The following PDK3 variants were observed in gnomAD, a reference collection of about 807,000 sequenced individuals.
PDK3 encodes pyruvate dehydrogenase kinase 3.
A neutral mutation model predicts 32.0 loss-of-function variants in PDK3; 12 were observed. That is an observed-to-expected ratio of 0.37 (90% CI 0.24 to 0.61). The LOEUF (loss-of-function observed/expected upper bound fraction) is 0.61, where lower values mean the gene tolerates loss of function less well. Ranked by LOEUF, PDK3 falls within the 20% of genes least tolerant of loss-of-function variation. PDK3 has a pLI of 0.65. For missense variants in PDK3, 188 were observed against 316.9 expected (o/e 0.59, Z 3.09); for synonymous variants, 122 against 116.3 (o/e 1.05, Z -0.31).
intron 6 of PDK3, among the ~76,000 whole-genome samples, chrX:24,523,553 G>C (rs1160779447): frequency 8.9e-6 from 1 of 112,454 alleles, no homozygotes; most frequent in Non-Finnish European, 1.9e-5. Flanking sequence ...AGGGAAGGCA[G>C]AGGGTAGGGT....
intron 1 of PDK3, among the ~76,000 whole-genome samples, chrX:24,482,255 G>C (rs150755071): frequency 0.021 from 2,337 of 111,679 alleles, 65 homozygotes; most frequent in African/African-American, 0.072. Context: ...CTGTCGTCCA[G>C]GCTGGAGTGC....
downstream of PDK3, among the ~76,000 whole-genome samples, chrX:24,534,644 A>C (rs1323634916): frequency 2.7e-5 from 3 of 112,631 alleles, no homozygotes; most frequent in Non-Finnish European, 5.6e-5. Flanking sequence ...TACATGTAGC[A>C]ATGGTTAAGA....
At chrX:24,527,292 C>T (rs937297889) in intron 7 of PDK3, among the ~76,000 whole-genome samples, 4 of 39,820 alleles carry the variant, frequency 1.0e-4, no homozygotes, top group African/African-American at 2.3e-4. Flanking sequence ...TACCGTAAAG[C>T]GAAAAAAAAA....
chrX:24,483,481 A>G (rs999110615), intron 1 of PDK3, among the ~76,000 whole-genome samples: 1 of 111,756 alleles, frequency 8.9e-6, no homozygotes, highest in African/African-American at 3.3e-5. Flanking sequence ...CTGGCCTGAC[A>G]CACCATATTG....
exon 12 of PDK3, among the ~76,000 whole-genome samples, chrX:24,540,941 A>C (rs1922881613): frequency 1.6e-5 from 1 of 64,187 alleles, no homozygotes; most frequent in Non-Finnish European, 2.6e-5. Flanking sequence ...ACACAGTTTC[A>C]CTCTGTCCCC....
At chrX:24,496,117 T>C (rs1921693156) in intron 2 of PDK3, among the ~76,000 whole-genome samples, 1 of 112,154 alleles carries the variant, frequency 8.9e-6, no homozygotes, top group African/African-American at 3.2e-5. Flanking sequence ...CATTTCTTCC[T>C]TCTTGTTTCT....
downstream of PDK3, chrX:24,539,161 C>T: frequency 9.0e-7 from 1 of 1,114,747 alleles, no homozygotes; most frequent in Non-Finnish European, 1.2e-6. Context: ...ATAGAACTTT[C>T]TAGAGGACTG....
At position 24,519,024 on chromosome X, in the gene PDK3, A is replaced by G; in HGVS notation, c.673+14A>G. On this transcript the variant is annotated intron_variant, in intron 6 of 10. Coordinates refer to ENST00000379162, the MANE Select transcript of PDK3 (RefSeq NM_005391.5). ...AAGAATTCAATGGTAAAAGAAAACT[A>G]ATTTTAACCTTACATTCAAAAAAGC... is the stretch of plus-strand genomic sequence containing the variant. 9.2e-7 allele frequency: 1 copy of G among 1,090,610 alleles called. No homozygotes were observed. Among genetic ancestry groups the G allele is most frequent in the East Asian group, 3.0e-5 (1 of 33,039 alleles). The allele number at this position is 1,090,610 out of a possible 1,213,427, so 89.9% of individuals were successfully genotyped here.
At chrX:24,497,046 C>T (rs1921732750) in intron 2 of PDK3, among the ~76,000 whole-genome samples, 1 of 109,236 alleles carries the variant, frequency 9.2e-6, no homozygotes, top group African/African-American at 3.3e-5. Context: ...TCTCAAAGTG[C>T]TGGGATTACA....
chrX:24,475,781 A>T (rs1381059216), intron 1 of PDK3, among the ~76,000 whole-genome samples: 1 of 111,560 alleles, frequency 9.0e-6, no homozygotes, highest in Non-Finnish European at 1.9e-5. Flanking sequence ...TTAAGATCTG[A>T]TAAGGCTGCA....
chrX:24,544,786 A>G (rs1258286723), exon 12 of PDK3, among the ~76,000 whole-genome samples: 1 of 112,119 alleles, frequency 8.9e-6, no homozygotes, highest in African/African-American at 3.2e-5. Flanking sequence ...TGTGGGTCAG[A>G]GGGCAGGAGC....
intron 3 of PDK3, among the ~76,000 whole-genome samples, chrX:24,502,235 T>C (rs1921876200): frequency 8.9e-6 from 1 of 112,060 alleles, no homozygotes; most frequent in South Asian, 3.7e-4. Context: ...CCTTTTACAT[T>C]TTTAATCCAG....
At chrX:24,513,546 C>T (rs749672794) in intron 5 of PDK3, 3 of 135,525 alleles carry the variant, frequency 2.2e-5, no homozygotes, top group East Asian at 1.8e-4. Context: ...GATAGAGGGC[C>T]GTGTCATTGG....
chrX:24,541,805 A>G (rs1480822684), exon 12 of PDK3, among the ~76,000 whole-genome samples: 1 of 112,331 alleles, frequency 8.9e-6, no homozygotes, highest in Non-Finnish European at 1.9e-5. Flanking sequence ...TTTCCCCCAT[A>G]TAGGTTGTAA....
chrX:24,493,608 G>A (rs868355793), intron 1 of PDK3, among the ~76,000 whole-genome samples: 4 of 111,802 alleles, frequency 3.6e-5, no homozygotes, highest in Non-Finnish European at 7.5e-5. Context: ...TAGGCAGGGC[G>A]AGGGAGATGG....
chrX:24,522,961 C>A (rs1315607798), intron 6 of PDK3, among the ~76,000 whole-genome samples: 1 of 110,939 alleles, frequency 9.0e-6, no homozygotes, highest in Non-Finnish European at 1.9e-5. Flanking sequence ...ATAAAGGAAT[C>A]CAAAGAAAAG....
At chrX:24,501,652 C>T (rs916082430) in intron 3 of PDK3, among the ~76,000 whole-genome samples, 1 of 112,537 alleles carries the variant, frequency 8.9e-6, no homozygotes, top group African/African-American at 3.2e-5. Context: ...GCAGAGGTTG[C>T]AGTGAGTCAA....
At chrX:24,543,833 T>C (rs1602133835) in exon 12 of PDK3, among the ~76,000 whole-genome samples, 1 of 112,396 alleles carries the variant, frequency 8.9e-6, no homozygotes, top group South Asian at 3.7e-4. Context: ...TGAACAATTT[T>C]GTCTACAGTT....
chrX:24,538,953 A>T (rs1473586974), downstream of PDK3, among the ~76,000 whole-genome samples: 1 of 111,951 alleles, frequency 8.9e-6, no homozygotes, highest in African/African-American at 3.2e-5. Flanking sequence ...GAACCGTTTT[A>T]AAGTATATAT....
Sources: gnomAD v4.1 joint callset for allele counts (sites outside exome capture counted in the v4.1 genomes callset) on GRCh38, gnomAD v4.1.1 for gene constraint, MANE v1.5 for transcripts, NCBI Gene and HGNC (gene_info 2026-07-23, HGNC 2026-07-21) for gene names.